Variants in SPAG16 observed in about 807,000 individuals in gnomAD.
The protein encoded by SPAG16 is sperm-associated antigen 16 protein.
In SPAG16, 86 loss-of-function variants were observed where a neutral mutation model predicts 80.4. That is an observed-to-expected ratio of 1.07 (90% confidence interval 0.90 to 1.28). SPAG16 has a LOEUF of 1.28. Ranked by LOEUF, SPAG16 falls within the 50% of genes most tolerant of loss-of-function variation. SPAG16 has a pLI of 0.00. For missense variants in SPAG16, 870 were observed against 765.3 expected (o/e 1.14, Z -1.61); for synonymous variants, 294 against 265.9 (o/e 1.11, Z -1.03).
At chr2:213,377,916 T>C (rs1333908559) in intron 9 of SPAG16, among the ~76,000 whole-genome samples, 1 of 145,922 alleles carries the variant, frequency 6.9e-6, no homozygotes, top group Admixed American at 6.8e-5. Flanking sequence ...TTTTTTTTTT[T>C]TTCTTTAGAA....
In SPAG16 at chr2:213,508,675, C is replaced by A. The variant is rs570491836; in HGVS notation, c.1070+18585C>A. Among the ~76,000 whole-genome samples, 8 of 152,166 alleles carry A rather than the reference C, an allele frequency of 5.3e-5. No individual in the cohort carries two copies. The East Asian group carries it at 1.5e-3, about 29-fold the overall frequency. On this transcript the variant is annotated intron_variant, in intron 10 of 15. Transcript: ENST00000331683. ...AGCAAACTGTCGCAAGGACAAAAAA[C>A]CGAACACCACGTGTTCTCACTCATA...
chr2:214,173,847 T>C (rs557858041), intron 15 of SPAG16, among the ~76,000 whole-genome samples: 3 of 152,024 alleles, frequency 2.0e-5, no homozygotes, highest in Non-Finnish European at 4.4e-5. Flanking sequence ...GCAAGCCGAA[T>C]CCAGCAGCAC....
chr2:213,362,941 A>G (rs1489074182), intron 7 of SPAG16, among the ~76,000 whole-genome samples: 1 of 152,148 alleles, frequency 6.6e-6, no homozygotes, highest in Non-Finnish European at 1.5e-5. Flanking sequence ...CTTTTCAACA[A>G]GAGATTTGGA....
At chr2:214,099,450 T>C (rs1304286513) in intron 13 of SPAG16, among the ~76,000 whole-genome samples, 2 of 152,104 alleles carry the variant, frequency 1.3e-5, no homozygotes, top group African/African-American at 4.8e-5. Context: ...TTTATACGAA[T>C]AAGAGATAGT....
intron 10 of SPAG16, among the ~76,000 whole-genome samples, chr2:213,629,110 A>C (rs1164202610): frequency 6.6e-6 from 1 of 152,248 alleles, no homozygotes; most frequent in Non-Finnish European, 1.5e-5. Context: ...AAAAGTAGAA[A>C]GGAATTATTA....
intron 13 of SPAG16, among the ~76,000 whole-genome samples, chr2:214,086,742 G>A (rs182643874): frequency 1.8e-4 from 28 of 152,100 alleles, no homozygotes; most frequent in African/African-American, 4.8e-4. Context: ...CTATATTTTC[G>A]ATGTCTCCTC....
At chr2:213,706,664 GATTA>G (rs2065763780) in intron 10 of SPAG16, among the ~76,000 whole-genome samples, 1 of 152,160 alleles carries the variant, frequency 6.6e-6, no homozygotes, top group South Asian at 2.1e-4. Flanking sequence ...ACCTTTGGTA[GATTA>G]ATTAATTAAC....
chr2:214,206,080 C>A lies in SPAG16; in HGVS notation c.1720+56814C>A, dbSNP rs1190925898. ...GTGTGGTGGCATACGCCTGTAGTCC[C>A]ACATAATCAGGAGGCTGAGGCAGGA... is the stretch of plus-strand genomic sequence containing the variant. On this transcript the variant is annotated intron_variant, in intron 15 of 15. Coordinates refer to ENST00000331683, the MANE Select transcript of SPAG16 (RefSeq NM_024532.5). 2.0e-5 allele frequency among the ~76,000 whole-genome samples: 3 copies of A among 152,026 alleles called. No homozygotes were observed. The East Asian group carries it at 5.8e-4, about 29-fold the overall frequency.
At chr2:213,941,710 A>T (rs1272407243) in intron 12 of SPAG16, among the ~76,000 whole-genome samples, 1 of 152,172 alleles carries the variant, frequency 6.6e-6, no homozygotes, top group African/African-American at 2.4e-5. Context: ...ACTTCTTATA[A>T]GTACATGCTT....
chr2:214,391,463 C>T (rs1468092934), intron 15 of SPAG16, among the ~76,000 whole-genome samples: 5 of 152,070 alleles, frequency 3.3e-5, no homozygotes, highest in Non-Finnish European at 7.4e-5. Flanking sequence ...AAAATTGGCA[C>T]TACATTTTAT....
intron 10 of SPAG16, among the ~76,000 whole-genome samples, chr2:213,783,063 A>G (rs1277634314): frequency 6.3e-5 from 6 of 95,406 alleles, no homozygotes; most frequent in East Asian, 3.1e-4. Context: ...CGACCCCACC[A>G]CAGTCCCCAG....
At chr2:214,213,122 T>C (rs139066560) in intron 15 of SPAG16, among the ~76,000 whole-genome samples, 2,079 of 152,320 alleles carry the variant, frequency 0.014, 23 homozygotes, top group Middle Eastern at 0.031. Flanking sequence ...GATTTGCAAA[T>C]CATTCCAGAG....
At chr2:213,630,431 G>T (rs2125079957) in intron 10 of SPAG16, among the ~76,000 whole-genome samples, 1 of 151,648 alleles carries the variant, frequency 6.6e-6, no homozygotes, top group East Asian at 1.9e-4. Context: ...AACTGATATT[G>T]AGGGCATAAG....
At chr2:213,838,500 T>C (rs1285473861) in intron 10 of SPAG16, among the ~76,000 whole-genome samples, 3 of 152,180 alleles carry the variant, frequency 2.0e-5, no homozygotes, top group Non-Finnish European at 4.4e-5. Flanking sequence ...CAGGAAAGAA[T>C]GTACTTCCCC....
At chr2:214,065,260 C>T (rs1464904283) in intron 13 of SPAG16, among the ~76,000 whole-genome samples, 1 of 152,086 alleles carries the variant, frequency 6.6e-6, no homozygotes, top group East Asian at 1.9e-4. Context: ...AATAATTCTT[C>T]TGATCATCTT....
chr2:214,044,200 A>C (rs1022417609), intron 13 of SPAG16, among the ~76,000 whole-genome samples: 1 of 152,188 alleles, frequency 6.6e-6, no homozygotes, highest in Non-Finnish European at 1.5e-5. Flanking sequence ...ATCTTTACAT[A>C]TGCATTATTT....
At chr2:213,707,854 G>A (rs546562487) in intron 10 of SPAG16, among the ~76,000 whole-genome samples, 1 of 152,146 alleles carries the variant, frequency 6.6e-6, no homozygotes, top group East Asian at 1.9e-4. Context: ...TACTGATACT[G>A]GGGTTTGGTT....
intron 6 of SPAG16, among the ~76,000 whole-genome samples, chr2:213,346,587 A>G (rs2065005537): frequency 6.6e-6 from 1 of 152,184 alleles, no homozygotes; most frequent in Admixed American, 6.5e-5. Context: ...AGTTTTTAGC[A>G]TGAAGGTTGT....
intron 15 of SPAG16, among the ~76,000 whole-genome samples, chr2:214,364,060 T>A (rs1699334316): frequency 6.6e-6 from 1 of 152,074 alleles, no homozygotes; most frequent in African/African-American, 2.4e-5. Context: ...TCACCATCCC[T>A]TCTAATCAAG....
Sources: gnomAD v4.1 joint callset for allele counts (sites outside exome capture counted in the v4.1 genomes callset) on GRCh38, gnomAD v4.1.1 for gene constraint, MANE v1.5 for transcripts, NCBI Gene and HGNC (gene_info 2026-07-23, HGNC 2026-07-21) for gene names.